The following SETDB1 variants were observed in gnomAD, a reference collection of about 807,000 sequenced individuals.
SETDB1 encodes histone-lysine N-methyltransferase SETDB1.
A neutral mutation model predicts 137.4 loss-of-function variants in SETDB1; 31 were observed. The observed-to-expected ratio is 0.23, with a 90% CI of 0.17 to 0.30. The LOEUF is 0.30. Among genes scored for constraint, SETDB1 ranks in the 10% least tolerant of loss-of-function variants. The pLI is 1.00. For synonymous variants in SETDB1, 548 were observed against 579.9 expected, an observed-to-expected ratio of 0.95 and a Z score of 0.79; for missense variants, 1,113 against 1,631.5, an observed-to-expected ratio of 0.68 and a Z score of 5.47.
intron 1 of SETDB1, 113 bp downstream of exon 1, chr1:150,926,630 G>T: frequency 2.2e-6 from 1 of 446,894 alleles, no homozygotes. Flanking sequence ...AGGCGAACGG[G>T]GGCGGGGCTG....
chr1:150,950,774 C>T lies in SETDB1; in HGVS notation c.1900C>T (p.Leu634Phe). The change falls in exon 13 of 22, where the codon CTC becomes TTC. Residue 634 changes from leucine (L) to phenylalanine (F), a missense_variant. Leu to Phe is a conservative substitution (Grantham distance 22). Transcript: ENST00000692827. ...TGTTATCTATAAGACACCTTGTGGT[C>T]TCTGCCTTCGGACAATGCAGGAGAT... ...FHVIYKTPCG[L>F]CLRTMQEIER... The T allele has an allele frequency of 6.2e-7, 1 of 1,614,234 alleles. No individual in the cohort carries two copies. The highest frequency in any genetic ancestry group is 8.5e-7 in the Non-Finnish European group (1 of 1,180,024).
At chr1:150,961,879 C>T (rs753209000) in intron 16 of SETDB1, 143 of 577,804 alleles carry the variant, frequency 2.5e-4, no homozygotes, top group Admixed American at 9.4e-4. Context: ...GTGAAACTGT[C>T]CCTGGTTGAT....
rs768522598 is a variant in SETDB1, at chr1:150,930,073, A to G, written c.367A>G (p.Ile123Val). The G allele has an allele frequency of 1.2e-6, 2 of 1,614,116 alleles. No individual in the cohort carries two copies. The highest frequency in any genetic ancestry group is 1.6e-4 in the Middle Eastern group (1 of 6,062). The change falls in exon 3 of 22, where the codon ATT becomes GTT. Residue 123 changes from isoleucine (I) to valine (V), a missense_variant. Around this residue, in one of 11 missense-constraint regions of SETDB1, gnomAD observed 159 missense variants for 188.6 expected, o/e 0.84. Coordinates refer to ENST00000692827, the MANE Select transcript of SETDB1 (RefSeq NM_001366418.1). ...CGAATCTTCCCGGCCTACAGAAATA[A>G]TTGAGATTCCTGATGAAGATGATGA... ...EDESSRPTEI[I>V]EIPDEDDDVL...
rs113296072 is a variant in SETDB1 at position 150,949,261 on chromosome 1, C to A, written c.1407C>A (p.Pro469=). 11 of 1,613,716 alleles carry A rather than the reference C, an allele frequency of 6.8e-6. No homozygotes were observed. The highest frequency in any genetic ancestry group is 4.5e-5 in the East Asian group (2 of 44,898). ...PPFPPAPPLS[P]QAGDSESLES... ...TCCCACCTGCTCCACCTCTATCCCC[C>A]CAAGCAGGTGACAGTGAGTGAGTGT... The change falls in exon 11 of 22, where the codon CCC becomes CCA. Residue 469 remains proline, a synonymous_variant. Transcript: ENST00000692827.
intron 9 of SETDB1, 107 bp from the exon 10 acceptor site, chr1:150,946,779 C>T: frequency 7.5e-7 from 1 of 1,330,796 alleles, no homozygotes; most frequent in Non-Finnish European, 1.1e-6. Flanking sequence ...TAAGGCTCAT[C>T]AGGGAGGATT....
rs898646373 is a variant in SETDB1, at chr1:150,955,757, A to C, written c.2334-3421A>C. 2.6e-5 allele frequency among the ~76,000 whole-genome samples: 4 copies of C among 152,140 alleles called. No homozygotes were observed. The South Asian group carries it at 8.3e-4, about 31-fold the overall frequency. ...ATCTTATCTGTCTCTTTGTCTTGCT[A>C]ACCATTGTATCACCAGTTTACCCAA... On this transcript the variant is annotated intron_variant, in intron 14 of 21. Transcript: ENST00000692827.
chr1:150,960,821 C>T lies in SETDB1; in HGVS notation c.2762C>T (p.Ser921Leu). Residue 921 changes from serine to leucine, a missense_variant, in exon 16 of 22, where the codon TCA becomes TTA. By Grantham distance (145) the Ser-to-Leu change is moderately radical. Around this residue, in one of 11 missense-constraint regions of SETDB1, gnomAD observed 373 missense variants for 412.7 expected, o/e 0.90. Coordinates refer to ENST00000692827, the MANE Select transcript of SETDB1 (RefSeq NM_001366418.1). ...FCKDEDFSTS[S>L]VWRSYATRRQ... ...AAGGATGAGGACTTCAGCACCAGTTCAGTGTGGCGGAGCTATGCTACCCGG... is the reference window on the plus strand; with the variant it reads ...AAGGATGAGGACTTCAGCACCAGTTTAGTGTGGCGGAGCTATGCTACCCGG... 1 of 1,605,628 alleles carries T rather than the reference C, an allele frequency of 6.2e-7. No individual in the cohort carries two copies. The highest frequency in any genetic ancestry group is 8.5e-7 in the Non-Finnish European group (1 of 1,176,004).
intron 19 of SETDB1, 167 bp downstream of exon 19, chr1:150,963,306 CCT>C (rs1309013182): frequency 1.4e-6 from 1 of 719,394 alleles, no homozygotes; most frequent in East Asian, 2.7e-5. Flanking sequence ...TTTGACACAT[CCT>C]CTCTCATTTC....
chr1:150,952,605 G>A (rs1431549197), intron 14 of SETDB1, among the ~76,000 whole-genome samples: 6 of 152,080 alleles, frequency 3.9e-5, no homozygotes, highest in South Asian at 2.1e-4. Flanking sequence ...GCCGCCGGGC[G>A]CAGTGGCTCA....
Position 150,949,418 on chromosome 1 carries a change from C to G in SETDB1, c.1476C>G (p.Ser492Arg), listed in dbSNP as rs1670432429. The change falls in exon 12 of 22, where the codon AGC becomes AGG. Residue 492 changes from serine to arginine, a missense_variant. Physicochemically the swap from Ser to Arg is moderately radical, Grantham distance 110 (BLOSUM62 -1). Around this residue, in one of 11 missense-constraint regions of SETDB1, gnomAD observed 192 missense variants for 198.1 expected, o/e 0.97. Transcript: ENST00000692827. ...AQSRKQVAKK[S>R]TSFRPGSVGS... Reference sequence around the variant, plus strand: ...CACGGAAGCAGGTAGCCAAAAAGAGCACGTCCTTTCGACCAGGATCTGTGG... The same window carrying G: ...CACGGAAGCAGGTAGCCAAAAAGAGGACGTCCTTTCGACCAGGATCTGTGG... 6 of 1,614,166 alleles carry G rather than the reference C, an allele frequency of 3.7e-6. No homozygotes were observed. Among genetic ancestry groups the G allele is most frequent in the Non-Finnish European group, 4.2e-6 (5 of 1,180,016 alleles).
chr1:150,957,006 A>G (rs766270670), intron 14 of SETDB1, among the ~76,000 whole-genome samples: 4 of 152,048 alleles, frequency 2.6e-5, no homozygotes, highest in Non-Finnish European at 4.4e-5. Flanking sequence ...GGTCCCAGCT[A>G]CTTAGGAGAC....
intron 3 of SETDB1, among the ~76,000 whole-genome samples, chr1:150,931,771 T>C (rs1044769296): frequency 1.4e-5 from 2 of 144,736 alleles, no homozygotes; most frequent in African/African-American, 5.1e-5. Flanking sequence ...TTCTTCCTGA[T>C]GTTGATATGA....
intron 3 of SETDB1, among the ~76,000 whole-genome samples, chr1:150,931,827 T>G (rs587740431): frequency 1.3e-5 from 2 of 151,682 alleles, no homozygotes; most frequent in South Asian, 4.2e-4. Context: ...GTAGGTTTTC[T>G]ATAGATGTCA....
chr1:150,936,236 G>A (rs1302211131), intron 3 of SETDB1, among the ~76,000 whole-genome samples: 4 of 152,038 alleles, frequency 2.6e-5, no homozygotes, highest in East Asian at 3.9e-4. Flanking sequence ...TAATCTGCCC[G>A]TCTCGGCCTC....
intron 3 of SETDB1, 121 bp downstream of exon 3, chr1:150,930,239 G>A: frequency 1.2e-6 from 1 of 845,766 alleles, no homozygotes; most frequent in Non-Finnish European, 1.8e-6. Flanking sequence ...ATTTCTAACT[G>A]CCTGAGTTGG....
intron 14 of SETDB1, among the ~76,000 whole-genome samples, chr1:150,954,096 C>T (rs1386454668): frequency 6.6e-6 from 1 of 152,096 alleles, no homozygotes; most frequent in Non-Finnish European, 1.5e-5. Context: ...CCTCATGATC[C>T]GTCTGCCTCA....
At chr1:150,953,752 C>G (rs587693321) in intron 14 of SETDB1, among the ~76,000 whole-genome samples, 1 of 152,098 alleles carries the variant, frequency 6.6e-6, no homozygotes, top group South Asian at 2.1e-4. Context: ...TCGCTTGAAG[C>G]TGGGAGGCAG....
intron 5 of SETDB1, among the ~76,000 whole-genome samples, chr1:150,942,335 T>C (rs1157580682): frequency 2.0e-5 from 3 of 149,934 alleles, no homozygotes; most frequent in Admixed American, 6.7e-5. Context: ...TAGTCCCAGC[T>C]ACTCGGGAGG....
intron 13 of SETDB1, 99 bp from the exon 14 acceptor site, chr1:150,951,266 T>C: frequency 8.9e-7 from 1 of 1,126,570 alleles, no homozygotes; most frequent in Non-Finnish European, 1.3e-6. Flanking sequence ...GGCTGGAGTC[T>C]GACATGGCCA....
Sources: gnomAD v4.1 joint callset for allele counts (sites outside exome capture counted in the v4.1 genomes callset) on GRCh38, gnomAD v4.1.1 for gene constraint, gnomAD v4.1.1 regional missense constraint, MANE v1.5 for transcripts, NCBI Gene and HGNC (gene_info 2026-07-23, HGNC 2026-07-21) for gene names.